LARGE1: variants seen among roughly 807,000 people sequenced by gnomAD.
LARGE1 encodes the protein LARGE xylosyl- and glucuronyltransferase 1.
In LARGE1, 43 loss-of-function variants were observed where a neutral mutation model predicts 87.6. The ratio of observed to expected loss-of-function variants is 0.49; its 90% CI spans 0.38 to 0.63. LARGE1 has a LOEUF of 0.63. Among genes scored for constraint, LARGE1 ranks in the 30% least tolerant of loss-of-function variants. The pLI is 0.00. For synonymous variants in LARGE1, 434 were observed against 394.6 expected, an observed-to-expected ratio of 1.10 and a Z score of -1.18; for missense variants, 802 against 1,000.2, an observed-to-expected ratio of 0.80 and a Z score of 2.67.
chr22:33,721,811 C>A (rs1298874843), intron 2 of LARGE1, among the ~76,000 whole-genome samples: 2 of 152,170 alleles, frequency 1.3e-5, no homozygotes, highest in Non-Finnish European at 2.9e-5. Context: ...GTATCTTTTT[C>A]CTTGGTACAA....
intron 1 of LARGE1, among the ~76,000 whole-genome samples, chr22:33,901,240 G>A (rs1390720412): frequency 6.6e-6 from 1 of 152,042 alleles, no homozygotes; most frequent in Non-Finnish European, 1.5e-5. Context: ...CACTGGAGAG[G>A]GAGTGTGGTC....
intron 1 of LARGE1, among the ~76,000 whole-genome samples, chr22:33,910,634 G>A (rs1474816780): frequency 6.6e-6 from 1 of 152,148 alleles, no homozygotes; most frequent in Non-Finnish European, 1.5e-5. Context: ...GTCAAGCCAG[G>A]ACCTGCACAC....
intron 6 of LARGE1, among the ~76,000 whole-genome samples, chr22:33,549,575 T>A (rs559423706): frequency 6.6e-6 from 1 of 152,336 alleles, no homozygotes; most frequent in African/African-American, 2.4e-5. Context: ...AAAGAGGAAA[T>A]TCACTACTAG....
At chr22:33,792,917 G>A (rs2085867334) in intron 1 of LARGE1, among the ~76,000 whole-genome samples, 1 of 152,184 alleles carries the variant, frequency 6.6e-6, no homozygotes, top group Non-Finnish European at 1.5e-5. Context: ...CAGGGGAGGG[G>A]CTAAAGAAGA....
intron 2 of LARGE1, among the ~76,000 whole-genome samples, chr22:33,757,234 C>A (rs2084550028): frequency 6.6e-6 from 1 of 152,166 alleles, no homozygotes. Flanking sequence ...CCTGCCTCCC[C>A]ATAACATTTA....
At chr22:33,292,690 A>G (rs1488861888) in intron 12 of LARGE1, among the ~76,000 whole-genome samples, 1 of 152,170 alleles carries the variant, frequency 6.6e-6, no homozygotes, top group Admixed American at 6.6e-5. Context: ...AGAGGAGCCA[A>G]CTGAAATTAT....
chr22:33,742,302 C>T (rs1051399933), intron 2 of LARGE1, among the ~76,000 whole-genome samples: 2 of 152,216 alleles, frequency 1.3e-5, no homozygotes, highest in South Asian at 2.1e-4. Context: ...TCACAGAGAA[C>T]AGCACCTAGC....
intron 9 of LARGE1, among the ~76,000 whole-genome samples, chr22:33,343,019 G>A (rs546279258): frequency 3.3e-5 from 5 of 151,544 alleles, no homozygotes; most frequent in East Asian, 3.9e-4. Context: ...TGCGGTTTTC[G>A]CCATTAAAAA....
intron 11 of LARGE1, among the ~76,000 whole-genome samples, chr22:33,205,945 A>ATT (rs1458454677): frequency 2.1e-5 from 2 of 94,138 alleles, no homozygotes; most frequent in African/African-American, 7.9e-5. Flanking sequence ...TGCCATGCTA[A>ATT]TTCTTTTTTT....
intron 10 of LARGE1, among the ~76,000 whole-genome samples, chr22:33,325,399 C>T (rs568954846): frequency 6.6e-6 from 1 of 152,352 alleles, no homozygotes; most frequent in Non-Finnish European, 1.5e-5. Flanking sequence ...TGCTCAGGAA[C>T]AAATTTTATT....
chr22:33,527,740 C>G (rs1005960007), intron 6 of LARGE1, among the ~76,000 whole-genome samples: 1 of 151,976 alleles, frequency 6.6e-6, no homozygotes, highest in Non-Finnish European at 1.5e-5. Context: ...GCCCCTTGAC[C>G]AGAACAAACC....
intron 1 of LARGE1, among the ~76,000 whole-genome samples, chr22:33,910,296 TA>T (rs1442127584): frequency 1.3e-5 from 2 of 152,288 alleles, no homozygotes; most frequent in East Asian, 1.9e-4. Flanking sequence ...AGGATGGGTG[TA>T]ACGTACTCAC....
intron 4 of LARGE1, among the ~76,000 whole-genome samples, chr22:33,613,058 T>C (rs766700780): frequency 3.9e-5 from 6 of 152,194 alleles, no homozygotes; most frequent in Non-Finnish European, 5.9e-5. Flanking sequence ...TTTCATTAGC[T>C]TGCCTGAGAA....
At chr22:33,219,297 C>G (rs937981886) in intron 11 of LARGE1, among the ~76,000 whole-genome samples, 3 of 152,176 alleles carry the variant, frequency 2.0e-5, no homozygotes, top group Non-Finnish European at 4.4e-5. Context: ...CACCACGAAG[C>G]CAGTGTCTCT....
chr22:33,298,031 G>A (rs527976328), intron 12 of LARGE1, among the ~76,000 whole-genome samples: 1 of 151,352 alleles, frequency 6.6e-6, no homozygotes, highest in East Asian at 1.9e-4. Flanking sequence ...TCAGTGAAAG[G>A]TGTCAGAAAC....
chr22:33,881,163 T>A (rs2064670437), intron 1 of LARGE1, among the ~76,000 whole-genome samples: 1 of 152,156 alleles, frequency 6.6e-6, no homozygotes, highest in African/African-American at 2.4e-5. Flanking sequence ...TCCAGATGCC[T>A]TCTTGTGTAC....
the LARGE1 span, among the ~76,000 whole-genome samples, chr22:33,089,307 C>CTTCT: frequency 4.2e-5 from 5 of 118,262 alleles, no homozygotes; most frequent in East Asian, 9.8e-4. Flanking sequence ...TCTTCCTCTT[C>CTTCT]TTCTTCTTTC....
intron 11 of LARGE1, among the ~76,000 whole-genome samples, chr22:33,176,009 A>G (rs1922847932): frequency 6.6e-6 from 1 of 152,172 alleles, no homozygotes; most frequent in Non-Finnish European, 1.5e-5. Context: ...ACACATCTAC[A>G]ACCATCTGAT....
intron 1 of LARGE1, among the ~76,000 whole-genome samples, chr22:33,891,547 C>A (rs79914673): frequency 3.9e-5 from 6 of 152,040 alleles, no homozygotes; most frequent in African/African-American, 1.2e-4. Context: ...AAGTAACTTA[C>A]CCTTCTCTGG....
Sources: allele counts gnomAD v4.1 joint callset (sites outside exome capture counted in the v4.1 genomes callset), GRCh38; gene constraint gnomAD v4.1.1; transcripts MANE v1.5; gene names NCBI Gene and HGNC (gene_info 2026-07-23, HGNC 2026-07-21).